GRIA4: variants seen among roughly 807,000 people sequenced by gnomAD.
GRIA4 encodes glutamate receptor 4.
A neutral mutation model predicts 104.0 loss-of-function variants in GRIA4; 34 were observed. That is an observed-to-expected ratio of 0.33 (90% CI 0.25 to 0.44). The LOEUF (loss-of-function observed/expected upper bound fraction) is 0.44. GRIA4 is among the 20% of genes least tolerant of loss of function. The pLI, the probability that GRIA4 is intolerant of heterozygous loss-of-function variation, is 1.00. For missense variants in GRIA4, 750 were observed against 1,096.5 expected, an observed-to-expected ratio of 0.68 and a Z score of 4.46; for synonymous variants, 386 against 381.9, an observed-to-expected ratio of 1.01 and a Z score of -0.13.
intron 4 of GRIA4, among the ~76,000 whole-genome samples, chr11:105,823,840 C>T (rs1045641456): frequency 2.0e-5 from 3 of 151,990 alleles, no homozygotes; most frequent in Non-Finnish European, 4.4e-5. Context: ...ACCCCCCGTA[C>T]ATCAGAATAT....
At position 105,967,621 on chromosome 11, in the gene GRIA4, T is replaced by A. The variant is rs576329612; in HGVS notation, c.2295-4293T>A. On this transcript the variant is annotated intron_variant, in intron 14 of 16. Transcript: ENST00000282499. ...TTTTAACAAGTAGGTTTCCAAAATG[T>A]TATAAAAAATTAACATAAAATGTTC... Among the ~76,000 whole-genome samples, 3 of 152,190 alleles carry A rather than the reference T, an allele frequency of 2.0e-5. No homozygotes were observed. The East Asian group carries it at 5.8e-4, about 29-fold the overall frequency.
chr11:105,899,692 T>G (rs1443587763), intron 7 of GRIA4, among the ~76,000 whole-genome samples: 4 of 152,138 alleles, frequency 2.6e-5, no homozygotes, highest in Non-Finnish European at 4.4e-5. Context: ...AAATATAGGG[T>G]TAAGTTCTGC....
chr11:105,894,156 T>G (rs935226757), intron 6 of GRIA4, among the ~76,000 whole-genome samples: 1 of 152,168 alleles, frequency 6.6e-6, no homozygotes, highest in Non-Finnish European at 1.5e-5. Context: ...GATGTGGAAT[T>G]CAAAGTGTGG....
intron 3 of GRIA4, among the ~76,000 whole-genome samples, chr11:105,614,731 A>G (rs1950557916): frequency 6.6e-6 from 1 of 152,176 alleles, no homozygotes; most frequent in South Asian, 2.1e-4. Context: ...ACAAATGAGC[A>G]TGCTGAAAAT....
chr11:105,777,915 C>T (rs904834437), intron 4 of GRIA4, among the ~76,000 whole-genome samples: 3 of 152,254 alleles, frequency 2.0e-5, no homozygotes, highest in Admixed American at 6.5e-5. Context: ...AGACAGAGAT[C>T]GAGAACTGAA....
At chr11:105,902,989 G>C (rs1229531021) in intron 7 of GRIA4, among the ~76,000 whole-genome samples, 2 of 152,060 alleles carry the variant, frequency 1.3e-5, no homozygotes, top group Non-Finnish European at 2.9e-5. Context: ...TTTATATTTA[G>C]AAAACTACAT....
At chr11:105,776,134 T>A (rs1941440323) in intron 4 of GRIA4, among the ~76,000 whole-genome samples, 1 of 152,204 alleles carries the variant, frequency 6.6e-6, no homozygotes, top group East Asian at 1.9e-4. Flanking sequence ...ACATTGAGAT[T>A]CAAAGAGGCT....
intron 4 of GRIA4, among the ~76,000 whole-genome samples, chr11:105,843,403 C>G (rs1944465002): frequency 1.3e-5 from 2 of 152,172 alleles, no homozygotes; most frequent in South Asian, 4.1e-4. Context: ...TAAATAATAA[C>G]ATTCAATATA....
intron 5 of GRIA4, among the ~76,000 whole-genome samples, chr11:105,885,099 T>C (rs1053697039): frequency 3.3e-5 from 5 of 152,118 alleles, no homozygotes; most frequent in African/African-American, 1.2e-4. Flanking sequence ...TGTAGCCAAA[T>C]AGCAGGAATC....
chr11:105,768,106 G>A (rs1325861386), intron 4 of GRIA4, among the ~76,000 whole-genome samples: 1 of 152,112 alleles, frequency 6.6e-6, no homozygotes, highest in African/African-American at 2.4e-5. Context: ...GAGTCCTGCA[G>A]CTGCTGTGTA....
At chr11:105,759,692 T>C (rs1327467304) in intron 4 of GRIA4, among the ~76,000 whole-genome samples, 1 of 152,166 alleles carries the variant, frequency 6.6e-6, no homozygotes. Context: ...TTGACAGCTT[T>C]GCAAATGTCA....
At chr11:105,710,770 T>C (rs905658539) in intron 3 of GRIA4, among the ~76,000 whole-genome samples, 1 of 152,098 alleles carries the variant, frequency 6.6e-6, no homozygotes, top group Non-Finnish European at 1.5e-5. Context: ...ACTTGACTAA[T>C]AAAATTCATG....
At chr11:105,869,728 C>T (rs1466873697) in intron 5 of GRIA4, among the ~76,000 whole-genome samples, 1 of 152,010 alleles carries the variant, frequency 6.6e-6, no homozygotes, top group Non-Finnish European at 1.5e-5. Flanking sequence ...ATAAAGTGTG[C>T]TCTCTGCCAG....
intron 3 of GRIA4, among the ~76,000 whole-genome samples, chr11:105,682,041 TATAATA>T (rs569161082): frequency 1.9e-4 from 29 of 151,370 alleles, no homozygotes; most frequent in African/African-American, 6.3e-4. Context: ...CTCTGTCTAA[TATAATA>T]ATAATAATAA....
At chr11:105,704,345 G>C (rs950290850) in intron 3 of GRIA4, among the ~76,000 whole-genome samples, 2 of 152,094 alleles carry the variant, frequency 1.3e-5, no homozygotes, top group Non-Finnish European at 2.9e-5. Context: ...GAATTGACTA[G>C]ATAAGGAGGT....
At chr11:105,927,076 C>T (rs1947728111) in intron 13 of GRIA4, 137 bp downstream of exon 13, 1 of 621,720 alleles carries the variant, frequency 1.6e-6, no homozygotes, top group Admixed American at 2.9e-5. Context: ...AAGGCTAGTA[C>T]TTCTAACTGG....
intron 3 of GRIA4, among the ~76,000 whole-genome samples, chr11:105,698,166 C>G (rs901567837): frequency 1.3e-5 from 2 of 152,058 alleles, no homozygotes; most frequent in Non-Finnish European, 2.9e-5. Flanking sequence ...ATTGATACTA[C>G]GTGCAAACAA....
At chr11:105,727,731 T>C (rs904753391) in intron 3 of GRIA4, among the ~76,000 whole-genome samples, 8 of 152,070 alleles carry the variant, frequency 5.3e-5, no homozygotes, top group African/African-American at 1.9e-4. Context: ...TCAACATTCC[T>C]AAAGAAAAAA....
At chr11:105,656,577 A>G (rs1004760237) in intron 3 of GRIA4, among the ~76,000 whole-genome samples, 1 of 152,078 alleles carries the variant, frequency 6.6e-6, no homozygotes, top group African/African-American at 2.4e-5. Flanking sequence ...ATCAACAGAG[A>G]GAACAGGCAA....
Sources: allele counts gnomAD v4.1 joint callset (sites outside exome capture counted in the v4.1 genomes callset), GRCh38; gene constraint gnomAD v4.1.1; transcripts MANE v1.5; gene names NCBI Gene and HGNC (gene_info 2026-07-23, HGNC 2026-07-21).